Variants in CASP2 observed in about 807,000 individuals in gnomAD.
The protein encoded by CASP2 is caspase 2, also known as caspase-2.
CASP2 carries 38 observed loss-of-function variants against 54.4 expected under a neutral mutation model. The ratio of observed to expected loss-of-function variants is 0.70; its 90% CI spans 0.54 to 0.92. The LOEUF (loss-of-function observed/expected upper bound fraction) is 0.92, where lower values mean the gene tolerates loss of function less well. Among genes scored for constraint, CASP2 ranks in the 40% least tolerant of loss-of-function variants. The probability of loss-of-function intolerance (pLI) is 0.00; values close to 1 mark genes in which losing one functional copy is unlikely to be tolerated. For missense variants in CASP2, 512 were observed against 579.6 expected, an observed-to-expected ratio of 0.88 and a Z score of 1.20; for synonymous variants, 215 against 216.3, an observed-to-expected ratio of 0.99 and a Z score of 0.05.
intron 8 of CASP2, chr7:143,301,773 G>A (rs541654129): frequency 6.6e-6 from 1 of 152,202 alleles, no homozygotes; most frequent in Non-Finnish European, 1.5e-5. Context: ...TTTTAAAATA[G>A]CATCTGTGTG....
At chr7:143,294,858 G>A (rs1801695351) in intron 6 of CASP2, 85 bp downstream of exon 6, 17 of 1,188,172 alleles carry the variant, frequency 1.4e-5, no homozygotes, top group Non-Finnish European at 1.8e-5. Flanking sequence ...TCCTGTGCCT[G>A]CTGGGATATG....
rs980744733 is a variant in CASP2, at chr7:143,305,108, C to T, written c.*37C>T. 6.2e-7 allele frequency: 1 copy of T among 1,613,232 alleles called. No individual in the cohort carries two copies. The highest frequency in any genetic ancestry group is 1.1e-5 in the South Asian group (1 of 91,066). On this transcript the variant is annotated 3_prime_UTR_variant, in exon 11 of 11. Coordinates refer to ENST00000310447, the MANE Select transcript of CASP2 (RefSeq NM_032982.4). ...CATCATCCACGCCAAGTGGAAGCCA[C>T]TGGACCACAGGAGGTGTGATAGAGC...
chr7:143,300,073 C>T, intron 7 of CASP2, 22 bp downstream of exon 7: 2 of 1,614,074 alleles, frequency 1.2e-6, no homozygotes, highest in Non-Finnish European at 1.7e-6. Flanking sequence ...CTGGTGGAAG[C>T]CAACTGTTGA....
intron 8 of CASP2, chr7:143,301,841 G>A (rs1189539002): frequency 6.6e-6 from 1 of 152,174 alleles, no homozygotes; most frequent in Non-Finnish European, 1.5e-5. Context: ...CAAACCTTTA[G>A]TCATAACTGA....
intron 8 of CASP2, chr7:143,300,943 G>A (rs1801899909): frequency 1.0e-6 from 1 of 1,003,948 alleles, no homozygotes; most frequent in Non-Finnish European, 1.2e-6. Flanking sequence ...TTCTCATCCT[G>A]GAGGAAAATA....
At position 143,300,213 on chromosome 7, in the gene CASP2, G is replaced by T; in HGVS notation, c.886G>T (p.Val296Phe). ...VDGKLLQLQE[V>F]FQLFDNANCP... is the part of the protein sequence containing the mutation. ...TCTTTCTTTCTGGCAGCTCCAAGAG[G>T]TTTTTCAGCTCTTTGACAACGCCAA... Residue 296 changes from valine to phenylalanine, a missense_variant, in exon 8 of 11, where the codon GTT becomes TTT. This residue lies in a region of CASP2 where 417 missense variants were observed against 495.4 expected (regional missense o/e 0.84). Transcript: ENST00000310447. The T allele has an allele frequency of 6.2e-7, 1 of 1,614,140 alleles. No homozygotes were observed. Among genetic ancestry groups the T allele is most frequent in the Non-Finnish European group, 8.5e-7 (1 of 1,180,026 alleles).
At chr7:143,297,490 A>G (rs1801790217) in intron 6 of CASP2, among the ~76,000 whole-genome samples, 2 of 152,118 alleles carry the variant, frequency 1.3e-5, no homozygotes, top group African/African-American at 4.8e-5. Flanking sequence ...TTTGTTGCCC[A>G]GGCTAGAGTG....
intron 10 of CASP2, 37 bp from the exon 11 acceptor site, chr7:143,304,903 A>T: frequency 1.9e-6 from 3 of 1,614,074 alleles, no homozygotes; most frequent in Non-Finnish European, 2.5e-6. Flanking sequence ...GAAGCCCGAG[A>T]TTCTCAGACT....
Position 143,288,422 on chromosome 7 carries a change from C to T in CASP2, c.-34C>T, listed in dbSNP as rs756787703. On this transcript the variant is annotated 5_prime_UTR_variant, in exon 1 of 11. Transcript: ENST00000310447. The stretch of plus-strand genomic sequence containing the variant: ...GCCCCCGGTTTGTTTGGGCTGTGGG[C>T]GGTGCGCAGCGGAGAGCCCGGGAAA... 5.0e-6 allele frequency: 8 copies of T among 1,605,676 alleles called. No individual in the cohort carries two copies. The East Asian group carries it at 8.9e-5, about 18-fold the overall frequency.
At chr7:143,288,670 C>A in intron 1 of CASP2, 141 bp downstream of exon 1, 1 of 767,744 alleles carries the variant, frequency 1.3e-6, no homozygotes, top group South Asian at 1.8e-5. Context: ...GGGTGGGACG[C>A]CCGCCCGAGC....
At chr7:143,298,214 A>G (rs1801813379) in intron 6 of CASP2, among the ~76,000 whole-genome samples, 1 of 152,208 alleles carries the variant, frequency 6.6e-6, no homozygotes, top group Non-Finnish European at 1.5e-5. Flanking sequence ...ATATTATAGA[A>G]GTGTGCTTTT....
chr7:143,307,177 T>C lies in CASP2; in HGVS notation c.*2106T>C, dbSNP rs758454709. ...CATTGCATTTATTGCAGTTTATATA[T>C]ATGCTACTTTTACTTGTTCATTTCT... On this transcript the variant is annotated 3_prime_UTR_variant, in exon 11 of 11. Coordinates refer to ENST00000310447, the MANE Select transcript of CASP2 (RefSeq NM_032982.4). The C allele has an allele frequency of 2.6e-5, 4 of 152,234 alleles. No homozygotes were observed. Among genetic ancestry groups the C allele is most frequent in the Non-Finnish European group, 5.9e-5 (4 of 68,060 alleles). The allele number at this position is 152,234 out of a possible 1,614,324, so 9.4% of individuals were successfully genotyped here. A position where few individuals can be genotyped will look rare whatever the true frequency, so the allele number is the denominator to read the frequency against.
chr7:143,296,733 C>CA (rs11297426), intron 6 of CASP2, among the ~76,000 whole-genome samples: 7,916 of 138,720 alleles, frequency 0.057, 223 homozygotes, highest in Middle Eastern at 0.12. Flanking sequence ...GAAACAGAAC[C>CA]AAAAAAAAAA....
intron 9 of CASP2, among the ~76,000 whole-genome samples, chr7:143,304,282 C>A (rs1802003846): frequency 6.6e-6 from 1 of 152,178 alleles, no homozygotes; most frequent in African/African-American, 2.4e-5. Context: ...CTTTGAGCAT[C>A]TGTCAGCACC....
At chr7:143,288,988 T>C (rs1187771251) in intron 1 of CASP2, among the ~76,000 whole-genome samples, 4 of 152,252 alleles carry the variant, frequency 2.6e-5, no homozygotes, top group East Asian at 1.9e-4. Context: ...TGCATGGCTT[T>C]GCATAGAATG....
At chr7:143,298,460 ATGCTTAAGG>A (rs1207273234) in intron 6 of CASP2, 2 of 152,198 alleles carry the variant, frequency 1.3e-5, no homozygotes, top group East Asian at 3.9e-4. Flanking sequence ...GATGGACCAA[ATGCTTAAGG>A]TAGTGCTCTT....
rs563501009 is a variant in CASP2, at chr7:143,295,742, T to G, written c.747+969T>G. The stretch of plus-strand genomic sequence containing the variant: ...TACTATATTTTTGGCAAGGCCAGTT[T>G]CATCCACAGGTACCTGGGTGTTGTC... On this transcript the variant is annotated intron_variant, in intron 6 of 10. Coordinates refer to ENST00000310447, the MANE Select transcript of CASP2 (RefSeq NM_032982.4). Among the ~76,000 whole-genome samples the G allele has an allele frequency of 2.0e-5, 3 of 152,362 alleles. No homozygotes were observed. In the South Asian group the frequency reaches 6.2e-4, roughly 32 times the overall value.
At chr7:143,293,464 TTTG>T (rs1442483638) in intron 4 of CASP2, among the ~76,000 whole-genome samples, 1 of 151,870 alleles carries the variant, frequency 6.6e-6, no homozygotes, top group Non-Finnish European at 1.5e-5. Context: ...TGTCAGTAAA[TTTG>T]TTAAGGGCTA....
chr7:143,300,659 T>C (rs1801889821), intron 8 of CASP2: 12 of 1,250,162 alleles, frequency 9.6e-6, no homozygotes, highest in Non-Finnish European at 1.2e-5. Flanking sequence ...TCTGTCTTTT[T>C]CCTGTCCTTC....
Sources: gnomAD v4.1 joint callset for allele counts (sites outside exome capture counted in the v4.1 genomes callset) on GRCh38, gnomAD v4.1.1 for gene constraint, gnomAD v4.1.1 regional missense constraint, MANE v1.5 for transcripts, NCBI Gene and HGNC (gene_info 2026-07-23, HGNC 2026-07-21) for gene names.